Variants in SORCS2 observed in about 807,000 individuals in gnomAD.
SORCS2 encodes the protein sortilin related VPS10 domain containing receptor 2, also known as VPS10 domain-containing receptor SorCS2.
In SORCS2, 100 loss-of-function variants were observed where a neutral mutation model predicts 141.6. That is an observed-to-expected ratio of 0.71 (90% CI 0.60 to 0.83). The LOEUF is 0.83. SORCS2 is among the 40% of genes least tolerant of loss of function. SORCS2 has a pLI of 0.00. For synonymous variants in SORCS2, 789 were observed against 676.9 expected (o/e 1.17, Z -2.57); for missense variants, 1,646 against 1,560.2 (o/e 1.05, Z -0.93).
At chr4:7,307,203 G>C (rs776182900) in intron 1 of SORCS2, among the ~76,000 whole-genome samples, 1 of 152,176 alleles carries the variant, frequency 6.6e-6, no homozygotes, top group East Asian at 1.9e-4. Context: ...CTCCCCAGGC[G>C]ACGTTCAGAG....
intron 3 of SORCS2, among the ~76,000 whole-genome samples, chr4:7,539,971 G>A (rs867740725): frequency 1.0e-4 from 10 of 97,974 alleles, no homozygotes; most frequent in East Asian, 6.1e-4. Flanking sequence ...TGATGGCACC[G>A]CCCCTTCCTG....
At chr4:7,355,773 G>A (rs577592266) in intron 1 of SORCS2, among the ~76,000 whole-genome samples, 5 of 152,364 alleles carry the variant, frequency 3.3e-5, no homozygotes, top group South Asian at 2.1e-4. Flanking sequence ...CTGTGAGCCC[G>A]AGGAACAGGA....
At chr4:7,583,970 A>C (rs1162465963) in intron 3 of SORCS2, among the ~76,000 whole-genome samples, 1 of 152,180 alleles carries the variant, frequency 6.6e-6, no homozygotes, top group Non-Finnish European at 1.5e-5. Context: ...CCCTTGTCTC[A>C]ATTTCCTCAT....
intron 1 of SORCS2, among the ~76,000 whole-genome samples, chr4:7,341,851 C>G (rs565134342): frequency 6.6e-6 from 1 of 152,292 alleles, no homozygotes; most frequent in South Asian, 2.1e-4. Flanking sequence ...TAGGCACTTC[C>G]CATTTCTCCT....
chr4:7,674,723 C>T (rs1157900154), intron 8 of SORCS2, among the ~76,000 whole-genome samples: 1 of 151,950 alleles, frequency 6.6e-6, no homozygotes, highest in Non-Finnish European at 1.5e-5. Flanking sequence ...CCTGAGCCAC[C>T]TGCCAGGGCA....
At chr4:7,338,173 A>ATGGATGGATGTTGGATGT (rs1720117889) in intron 1 of SORCS2, among the ~76,000 whole-genome samples, 2 of 145,328 alleles carry the variant, frequency 1.4e-5, no homozygotes, top group Non-Finnish European at 3.0e-5. Context: ...GGATGGATGG[A>ATGGATGGATGTTGGATGT]TGGATGGATG....
At chr4:7,373,478 A>ATATATATATATATATATATAT (rs1470691140) in intron 1 of SORCS2, among the ~76,000 whole-genome samples, 1 of 36,824 alleles carries the variant, frequency 2.7e-5, no homozygotes, top group Non-Finnish European at 4.1e-5. Flanking sequence ...ATATATATAT[A>ATATATATATATATATATATAT]TTTTTTTTTT....
At chr4:7,311,456 CTCCGGGA>C (rs1718179331) in intron 1 of SORCS2, among the ~76,000 whole-genome samples, 1 of 152,180 alleles carries the variant, frequency 6.6e-6, no homozygotes, top group Non-Finnish European at 1.5e-5. Context: ...GCTGAATCAT[CTCCGGGA>C]TATGTTTAGG....
In SORCS2 at chr4:7,733,082, C is replaced by G. The variant is rs76351697; in HGVS notation, c.3109-240C>G. On this transcript the variant is annotated intron_variant, in intron 23 of 26. Coordinates refer to ENST00000507866, the MANE Select transcript of SORCS2 (RefSeq NM_020777.3). Reference sequence around the variant, plus strand: ...CCCAGCAGACCTTGCTCCCCTCCCCCCTAGTGGAGGACACCCCCTCACTCT... The same window carrying G: ...CCCAGCAGACCTTGCTCCCCTCCCCGCTAGTGGAGGACACCCCCTCACTCT... 2.3e-4 allele frequency among the ~76,000 whole-genome samples: 34 copies of G among 150,562 alleles called. No individual in the cohort carries two copies. The East Asian group carries it at 2.4e-3, about 11-fold the overall frequency.
intron 2 of SORCS2, chr4:7,434,780 A>G (rs779580904): frequency 6.2e-7 from 1 of 1,612,062 alleles, no homozygotes; most frequent in Non-Finnish European, 8.5e-7. Context: ...AGATCCTGAC[A>G]CCACACCGTG....
chr4:7,543,619 CCCAT>C (rs1712897852), intron 3 of SORCS2, among the ~76,000 whole-genome samples: 1 of 124,054 alleles, frequency 8.1e-6, no homozygotes, highest in Non-Finnish European at 1.7e-5. Context: ...CGTCCATCCA[CCCAT>C]CCATCCACCC....
chr4:7,349,874 G>A (rs1720840694), intron 1 of SORCS2, among the ~76,000 whole-genome samples: 1 of 152,200 alleles, frequency 6.6e-6, no homozygotes, highest in Admixed American at 6.5e-5. Flanking sequence ...CTCCAAACAA[G>A]GGATGAAACA....
At chr4:7,668,625 C>T (rs984492941) in intron 8 of SORCS2, among the ~76,000 whole-genome samples, 3 of 152,128 alleles carry the variant, frequency 2.0e-5, no homozygotes, top group Non-Finnish European at 2.9e-5. Context: ...TTAAAACCTT[C>T]GCTTTAAAAA....
intron 11 of SORCS2, among the ~76,000 whole-genome samples, chr4:7,690,845 T>C (rs1724199098): frequency 6.6e-6 from 1 of 152,162 alleles, no homozygotes; most frequent in Non-Finnish European, 1.5e-5. Flanking sequence ...AACCCAAAAT[T>C]ATAATTTTTG....
chr4:7,326,379 C>T (rs1477430138), intron 1 of SORCS2, among the ~76,000 whole-genome samples: 1 of 152,110 alleles, frequency 6.6e-6, no homozygotes, highest in African/African-American at 2.4e-5. Flanking sequence ...ACAGCAGTGC[C>T]CCCCTCTTGG....
At chr4:7,492,919 C>T (rs1731399195) in intron 2 of SORCS2, among the ~76,000 whole-genome samples, 1 of 152,176 alleles carries the variant, frequency 6.6e-6, no homozygotes, top group South Asian at 2.1e-4. Context: ...CAATGCTAAC[C>T]ACTGCAACAT....
intron 3 of SORCS2, among the ~76,000 whole-genome samples, chr4:7,595,128 GCCT>G: frequency 6.6e-6 from 1 of 152,256 alleles, no homozygotes; most frequent in African/African-American, 2.4e-5. Flanking sequence ...GGGTTTCACG[GCCT>G]CCTCCTCGTG....
intron 1 of SORCS2, among the ~76,000 whole-genome samples, chr4:7,217,756 T>C (rs528316500): frequency 3.9e-5 from 6 of 152,288 alleles, no homozygotes; most frequent in South Asian, 4.1e-4. Flanking sequence ...TCTCCAACTG[T>C]TAAATACAGC....
At chr4:7,736,866 G>A (rs927265900) in intron 25 of SORCS2, among the ~76,000 whole-genome samples, 4 of 152,224 alleles carry the variant, frequency 2.6e-5, no homozygotes, top group African/African-American at 9.6e-5. Flanking sequence ...AAGGGAGCAT[G>A]CAGGAGGGAG....
Sources: allele counts gnomAD v4.1 joint callset (sites outside exome capture counted in the v4.1 genomes callset), GRCh38; gene constraint gnomAD v4.1.1; transcripts MANE v1.5; gene names NCBI Gene and HGNC (gene_info 2026-07-23, HGNC 2026-07-21).